Variants in PDE2A observed in about 807,000 individuals in gnomAD.
PDE2A encodes the protein phosphodiesterase 2A.
PDE2A carries 53 observed loss-of-function variants against 133.6 expected under a neutral mutation model. That is an observed-to-expected ratio of 0.40 (90% CI 0.32 to 0.50). The LOEUF (loss-of-function observed/expected upper bound fraction) is 0.50. Ranked by LOEUF, PDE2A falls within the 20% of genes least tolerant of loss-of-function variation. The pLI, the probability that PDE2A is intolerant of heterozygous loss-of-function variation, is 0.73. For synonymous variants in PDE2A, 491 were observed against 490.2 expected (o/e 1.00, Z -0.02); for missense variants, 796 against 1,232.4 (o/e 0.65, Z 5.30).
At chr11:72,603,039 A>C in intron 4 of PDE2A, among the ~76,000 whole-genome samples, 1 of 152,226 alleles carries the variant, frequency 6.6e-6, no homozygotes, top group East Asian at 1.9e-4. Flanking sequence ...TTTTTCAGGT[A>C]GCAGCTGAGC....
intron 14 of PDE2A, 65 bp from the exon 15 acceptor site, chr11:72,585,658 T>C: frequency 7.1e-7 from 1 of 1,413,302 alleles, no homozygotes; most frequent in South Asian, 1.2e-5. Context: ...TCCAACCTCC[T>C]GCCTCCAACA....
chr11:72,629,070 G>A (rs1238756011), intron 2 of PDE2A, among the ~76,000 whole-genome samples: 1 of 152,252 alleles, frequency 6.6e-6, no homozygotes, highest in Non-Finnish European at 1.5e-5. Context: ...GATGGGGTCA[G>A]GACAGAGCTG....
chr11:72,625,781 T>TC (rs1287481450), intron 2 of PDE2A, among the ~76,000 whole-genome samples: 1 of 151,408 alleles, frequency 6.6e-6, no homozygotes, highest in East Asian at 1.9e-4. Context: ...CCCCACAGAC[T>TC]CCCCCCAGCA....
intron 2 of PDE2A, among the ~76,000 whole-genome samples, chr11:72,611,032 A>G (rs957051006): frequency 1.3e-5 from 2 of 152,198 alleles, no homozygotes; most frequent in African/African-American, 4.8e-5. Context: ...GGGGCTCTAA[A>G]GACAGCACAG....
chr11:72,614,322 G>C (rs991953819), intron 2 of PDE2A, among the ~76,000 whole-genome samples: 1 of 152,228 alleles, frequency 6.6e-6, no homozygotes, highest in Non-Finnish European at 1.5e-5. Context: ...ATAGAGGAAA[G>C]AGGCTTGGCA....
In PDE2A at chr11:72,577,605, A is replaced by G; in HGVS notation, c.2616-11T>C. ...AGGTCCTGCAACAGCCTGCGGGTGC[A>G]TGGGGGGCAGAGGGCGAGAGGCCAG... On this transcript the variant is annotated splice_polypyrimidine_tract_variant and intron_variant, in intron 30 of 30. Transcript: ENST00000334456. 3.2e-6 allele frequency: 5 copies of G among 1,538,786 alleles called. No homozygotes were observed. Among genetic ancestry groups the G allele is most frequent in the Non-Finnish European group, 4.3e-6 (5 of 1,160,672 alleles).
intron 14 of PDE2A, among the ~76,000 whole-genome samples, 155 bp downstream of exon 14, chr11:72,585,915 A>G (rs1855950575): frequency 6.6e-6 from 1 of 152,176 alleles, no homozygotes; most frequent in South Asian, 2.1e-4. Flanking sequence ...CGGGTCCTGA[A>G]CAACTGCAAG....
intron 3 of PDE2A, among the ~76,000 whole-genome samples, chr11:72,607,981 C>G (rs1857046499): frequency 3.9e-5 from 6 of 152,150 alleles, no homozygotes; most frequent in Non-Finnish European, 8.8e-5. Context: ...TACCCATCCT[C>G]CTGCCTAAGG....
intron 2 of PDE2A, chr11:72,631,079 T>C (rs1217323582): frequency 3.0e-6 from 4 of 1,337,390 alleles, no homozygotes; most frequent in Non-Finnish European, 4.0e-6. Context: ...AGCTCTCACC[T>C]CCAGTCGGTC....
In PDE2A at chr11:72,655,530, T is replaced by C. The variant is rs543589445; in HGVS notation, c.72-13204A>G. 1.6e-3 allele frequency among the ~76,000 whole-genome samples: 248 copies of C among 151,778 alleles called. 1 individual carries two copies. Among genetic ancestry groups the C allele is most frequent in the African/African-American group, 5.9e-3 (244 of 41,336 alleles). Reference sequence around the variant, plus strand: ...ACGCACGTGTGTGTGTGTGCATGTGTGTGTGTGTGCACAGGTGAGTCAGTA... The same window carrying C: ...ACGCACGTGTGTGTGTGTGCATGTGCGTGTGTGTGCACAGGTGAGTCAGTA... On this transcript the variant is annotated intron_variant, in intron 1 of 30. Coordinates refer to ENST00000334456, the MANE Select transcript of PDE2A (RefSeq NM_002599.5).
intron 1 of PDE2A, among the ~76,000 whole-genome samples, chr11:72,663,512 T>C (rs975982628): frequency 3.3e-5 from 5 of 151,958 alleles, no homozygotes; most frequent in African/African-American, 1.2e-4. Context: ...GCAGATCACC[T>C]GAGGGCAGGA....
Position 72,597,464 on chromosome 11 carries a change from C to T in PDE2A, c.433+46G>A, listed in dbSNP as rs570481999. 451 of 1,050,246 alleles carry T rather than the reference C, an allele frequency of 4.3e-4. 6 individuals carry two copies. In the African/African-American group the frequency reaches 0.01, roughly 23 times the overall value. The allele number at this position is 1,050,246 out of a possible 1,614,324, so 65.1% of individuals were successfully genotyped here. ...TGACCTGGAGTGCAGGGGCCACAGT[C>T]CCTCCCTGCCCCTGCCCCTGCCCCT... is the stretch of plus-strand genomic sequence containing the variant. On this transcript the variant is annotated intron_variant, in intron 5 of 30. Coordinates refer to ENST00000334456, the MANE Select transcript of PDE2A (RefSeq NM_002599.5). The surrounding 1 kb of genome is among the most constrained non-coding windows in gnomAD (Gnocchi z 4.6).
intron 1 of PDE2A, chr11:72,643,592 C>T (rs1263593091): frequency 6.6e-6 from 1 of 152,510 alleles, no homozygotes; most frequent in African/African-American, 2.4e-5. Context: ...GCCCCTCTCT[C>T]TGCAGCTCCC....
At chr11:72,672,746 A>G (rs183349718) in intron 1 of PDE2A, among the ~76,000 whole-genome samples, 1 of 151,096 alleles carries the variant, frequency 6.6e-6, no homozygotes, top group East Asian at 1.9e-4. Context: ...ATTATTCTCA[A>G]GCTATTTTAT....
At position 72,582,570 on chromosome 11, in the gene PDE2A, G is replaced by A. The variant is rs1309601672; in HGVS notation, c.1729-4C>T. ...TGGTATACTCATCATCGGAGACCTAGAGGAGACCAGCCAGAGCATTAGAAG... is the reference window on the plus strand; with the variant it reads ...TGGTATACTCATCATCGGAGACCTAAAGGAGACCAGCCAGAGCATTAGAAG... On this transcript the variant is annotated splice_region_variant and splice_polypyrimidine_tract_variant and intron_variant, in intron 20 of 30. Coordinates refer to ENST00000334456, the MANE Select transcript of PDE2A (RefSeq NM_002599.5). 2 of 1,610,020 alleles carry A rather than the reference G, an allele frequency of 1.2e-6. No homozygotes were observed. Among genetic ancestry groups the A allele is most frequent in the East Asian group, 2.2e-5 (1 of 44,762 alleles).
intron 1 of PDE2A, among the ~76,000 whole-genome samples, chr11:72,670,661 C>T (rs767416109): frequency 6.6e-6 from 1 of 152,164 alleles, no homozygotes; most frequent in Non-Finnish European, 1.5e-5. Context: ...TTAATAAAGG[C>T]TGCGCATTTC....
chr11:72,590,287 C>A lies in PDE2A; in HGVS notation c.704-43G>T. ...CGGTCAGAGAGAGGGCCCCTCCGCA[C>A]CTCCGTGTCCGGGTCCCTCAGGCGC... On this transcript the variant is annotated intron_variant, in intron 8 of 30. Coordinates refer to ENST00000334456, the MANE Select transcript of PDE2A (RefSeq NM_002599.5). The surrounding 1 kb of genome is among the most constrained non-coding windows in gnomAD (Gnocchi z 4.8). 6.5e-7 allele frequency: 1 copy of A among 1,545,520 alleles called. No individual in the cohort carries two copies. Among genetic ancestry groups the A allele is most frequent in the South Asian group, 1.2e-5 (1 of 83,942 alleles).
rs201331559 is a variant in PDE2A at position 72,582,462 on chromosome 11, G to C, written c.1833C>G (p.Pro611=). ...AACTCACCATGGACGTGTCATCCTC[G>C]GGCAGGGAACGAGGGGTATAGGTGA... ...ASFTYTPRSL[P]EDDTSMAILS... is the part of the protein sequence containing the mutation. The change falls in exon 21 of 31, where the codon CCC becomes CCG. Residue 611 remains proline (P), a synonymous_variant. Transcript: ENST00000334456. 11 of 1,613,864 alleles carry C rather than the reference G, an allele frequency of 6.8e-6. No individual in the cohort carries two copies. Among genetic ancestry groups the C allele is most frequent in the Admixed American group, 3.3e-5 (2 of 60,002 alleles).
chr11:72,646,117 C>A (rs1175009117), intron 1 of PDE2A, among the ~76,000 whole-genome samples: 5 of 152,224 alleles, frequency 3.3e-5, no homozygotes, highest in Non-Finnish European at 5.9e-5. Context: ...AGCCCAGTCC[C>A]AGCCCCAGCT....
Sources: gnomAD v4.1 joint callset for allele counts (sites outside exome capture counted in the v4.1 genomes callset) on GRCh38, gnomAD v4.1.1 for gene constraint, Gnocchi (gnomAD v3.1) non-coding constraint, MANE v1.5 for transcripts, NCBI Gene and HGNC (gene_info 2026-07-23, HGNC 2026-07-21) for gene names.